Variants in RIMS1 observed in about 807,000 individuals in gnomAD.
RIMS1 encodes the protein regulating synaptic membrane exocytosis protein 1.
In RIMS1, 83 loss-of-function variants were observed where a neutral mutation model predicts 214.1. The observed-to-expected ratio is 0.39, with a 90% confidence interval of 0.32 to 0.47. The LOEUF is 0.47. Ranked by LOEUF, RIMS1 falls within the 20% of genes least tolerant of loss-of-function variation. The probability of loss-of-function intolerance (pLI) is 0.99; values close to 1 mark genes in which losing one functional copy is unlikely to be tolerated. For synonymous variants in RIMS1, 793 were observed against 786.8 expected (o/e 1.01, Z -0.13); for missense variants, 2,050 against 2,161.8 (o/e 0.95, Z 1.03).
intron 4 of RIMS1, among the ~76,000 whole-genome samples, chr6:72,145,028 C>G (rs940100041): frequency 5.3e-5 from 8 of 151,910 alleles, no homozygotes; most frequent in African/African-American, 1.9e-4. Context: ...TAATTTTTCT[C>G]TCTCCAGTTC....
intron 26 of RIMS1, among the ~76,000 whole-genome samples, chr6:72,296,227 A>G (rs951374551): frequency 6.6e-6 from 1 of 151,896 alleles, no homozygotes; most frequent in Admixed American, 6.6e-5. Context: ...ATTTATCTAT[A>G]CTGACAACTA....
intron 29 of RIMS1, among the ~76,000 whole-genome samples, chr6:72,382,394 C>G (rs191364304): frequency 4.0e-3 from 604 of 152,226 alleles, no homozygotes; most frequent in Non-Finnish European, 6.4e-3. Flanking sequence ...TATATGGTTA[C>G]CACACATTGG....
At chr6:72,209,900 CAAAAAAAAAAAAA>C (rs200401100) in intron 6 of RIMS1, among the ~76,000 whole-genome samples, 169 of 115,884 alleles carry the variant, frequency 1.5e-3, no homozygotes, top group African/African-American at 3.8e-3. Flanking sequence ...GACTCTGTCT[CAAAAAAAAAAAAA>C]AAAAAAAAAA....
chr6:71,945,530 A>T (rs998865125), intron 1 of RIMS1, among the ~76,000 whole-genome samples: 1 of 152,112 alleles, frequency 6.6e-6, no homozygotes, highest in African/African-American at 2.4e-5. Flanking sequence ...CACAATAAAG[A>T]TCATGTATGA....
chr6:72,006,131 C>A (rs533575549), intron 2 of RIMS1, among the ~76,000 whole-genome samples: 1 of 152,236 alleles, frequency 6.6e-6, no homozygotes, highest in Non-Finnish European at 1.5e-5. Context: ...ACTCTCATGT[C>A]CATTCTTATC....
chr6:72,167,806 C>T (rs548491247), intron 4 of RIMS1, among the ~76,000 whole-genome samples: 4 of 151,850 alleles, frequency 2.6e-5, no homozygotes, highest in African/African-American at 9.6e-5. Context: ...ATTATATTTT[C>T]TGTTATTTTT....
In RIMS1 at chr6:72,265,945, A is replaced by G; in HGVS notation, c.3309-15A>G. The G allele has an allele frequency of 6.5e-7, 1 of 1,544,066 alleles. No individual in the cohort carries two copies. Among genetic ancestry groups the G allele is most frequent in the Non-Finnish European group, 8.8e-7 (1 of 1,136,614 alleles). ...TCTTTCTCTTCTACCACTGGATGCA[A>G]TGCACTGGCACTAGTGAACTGCAGC... is the stretch of plus-strand genomic sequence containing the variant. On this transcript the variant is annotated splice_polypyrimidine_tract_variant and intron_variant, in intron 21 of 33. Coordinates refer to ENST00000521978, the MANE Select transcript of RIMS1 (RefSeq NM_014989.7).
At chr6:72,190,771 A>C (rs2049952682) in intron 6 of RIMS1, among the ~76,000 whole-genome samples, 1 of 152,136 alleles carries the variant, frequency 6.6e-6, no homozygotes, top group African/African-American at 2.4e-5. Context: ...CTTCCATTTG[A>C]TGATGGAATG....
chr6:72,036,795 A>C (rs577397351), intron 2 of RIMS1, among the ~76,000 whole-genome samples: 1 of 152,308 alleles, frequency 6.6e-6, no homozygotes, highest in South Asian at 2.1e-4. Flanking sequence ...AGCCATCTAA[A>C]GTGCAGAGCT....
chr6:71,977,194 G>A (rs918710764), intron 2 of RIMS1, among the ~76,000 whole-genome samples: 1 of 152,074 alleles, frequency 6.6e-6, no homozygotes, highest in Non-Finnish European at 1.5e-5. Context: ...TTGGAAACTG[G>A]CCCACCTTTC....
At chr6:71,931,989 A>G (rs978056134) in intron 1 of RIMS1, among the ~76,000 whole-genome samples, 4 of 152,090 alleles carry the variant, frequency 2.6e-5, no homozygotes, top group Non-Finnish European at 5.9e-5. Context: ...AGATGCAGGC[A>G]AGGTTGTGGA....
chr6:72,400,425 A>G, intron 33 of RIMS1, 71 bp from the exon 34 acceptor site: 4 of 1,287,770 alleles, frequency 3.1e-6, no homozygotes, highest in Non-Finnish European at 4.5e-6. Context: ...TTTACAGCAT[A>G]GTTGCTTTGA....
At chr6:72,137,062 C>G (rs2041405767) in intron 4 of RIMS1, among the ~76,000 whole-genome samples, 1 of 151,786 alleles carries the variant, frequency 6.6e-6, no homozygotes, top group South Asian at 2.1e-4. Flanking sequence ...AAAGATGTAT[C>G]TTTTTGTTGA....
chr6:72,038,100 AAAAAAAAAAAAAAAAAAAATAT>A (rs1204712643), intron 2 of RIMS1, among the ~76,000 whole-genome samples: 12 of 64,256 alleles, frequency 1.9e-4, no homozygotes, highest in African/African-American at 8.4e-4. Context: ...CAAAAAAAAA[AAAAAAAAAAAAAAAAAAAATAT>A]ATATATATAT....
chr6:71,984,769 GTACATATCTATC>G lies in RIMS1; in HGVS notation c.245+15709_245+15720del, dbSNP rs1376331544. The stretch of plus-strand genomic sequence containing the variant: ...TGTATGTATGTATGTATGTATGTAT[GTACATATCTATC>G]TATCTATCTATCTATCTATCTATCT... On this transcript the variant is annotated intron_variant, in intron 2 of 33. Transcript: ENST00000521978. Among the ~76,000 whole-genome samples the G allele has an allele frequency of 9.3e-3, 1,163 of 124,986 alleles. 12 individuals are homozygous for G. Among genetic ancestry groups the G allele is most frequent in the African/African-American group, 0.032 (1,081 of 34,062 alleles). 82.0% of individuals were successfully genotyped at this position (124,986 alleles called of 152,430 possible). A position where few individuals can be genotyped will look rare whatever the true frequency, so the allele number is the denominator to read the frequency against.
chr6:71,999,462 G>T (rs1037713900), intron 2 of RIMS1, among the ~76,000 whole-genome samples: 3 of 152,118 alleles, frequency 2.0e-5, no homozygotes, highest in African/African-American at 4.8e-5. Context: ...GATATGAAAT[G>T]ATTATCTTTT....
At position 71,954,048 on chromosome 6, in the gene RIMS1, CT is replaced by C. The variant is rs939154268; in HGVS notation, c.165-14927del. On this transcript the variant is annotated intron_variant, in intron 1 of 33. Coordinates refer to ENST00000521978, the MANE Select transcript of RIMS1 (RefSeq NM_014989.7). ...ATAGGAGTAGATGAGACTTTCATGA[CT>C]TTTTTTTGCCTTTTTAGGTATGTTT... Among the ~76,000 whole-genome samples, 6 of 151,864 alleles carry C rather than the reference CT, an allele frequency of 4.0e-5. No homozygotes were observed. In the East Asian group the frequency reaches 5.8e-4, roughly 15 times the overall value.
intron 1 of RIMS1, among the ~76,000 whole-genome samples, chr6:71,959,706 G>A (rs1792360078): frequency 6.6e-6 from 1 of 151,790 alleles, no homozygotes; most frequent in South Asian, 2.1e-4. Flanking sequence ...AAAGACTAAT[G>A]CTTACAACTC....
chr6:72,394,559 C>A (rs964379690), intron 31 of RIMS1, among the ~76,000 whole-genome samples: 3 of 151,798 alleles, frequency 2.0e-5, no homozygotes, highest in Non-Finnish European at 4.4e-5. Context: ...AATAAGGAGG[C>A]AAATTCCAGA....
Sources: gnomAD v4.1 joint callset for allele counts (sites outside exome capture counted in the v4.1 genomes callset) on GRCh38, gnomAD v4.1.1 for gene constraint, MANE v1.5 for transcripts, NCBI Gene and HGNC (gene_info 2026-07-23, HGNC 2026-07-21) for gene names.